The following ZNF665 variants were observed in gnomAD, a reference collection of about 807,000 sequenced individuals.
ZNF665 encodes the protein zinc finger protein 665.
In ZNF665, 6 loss-of-function variants were observed where a neutral mutation model predicts 7.9. The observed-to-expected ratio is 0.76, with a 90% CI of 0.42 to 1.50. The LOEUF is 1.50. Ranked by LOEUF, ZNF665 falls within the 40% of genes most tolerant of loss-of-function variation. ZNF665 has a pLI of 0.01. For missense variants in ZNF665, 819 were observed against 806.7 expected (o/e 1.02, Z -0.18); for synonymous variants, 242 against 274.5 (o/e 0.88, Z 1.17).
chr19:53,165,585 T>C lies in ZNF665; in HGVS notation c.905A>G (p.Asn302Ser), dbSNP rs760284905. Residue 302 changes from asparagine (N) to serine (S), a missense_variant, in exon 4 of 4, where the codon AAT becomes AGT. Coordinates refer to ENST00000396424, the MANE Select transcript of ZNF665 (RefSeq NM_024733.5). The stretch of plus-strand genomic sequence containing the variant: ...TCTTCGATGACTTGCAAGGTGTGAA[T>C]TTTGAGTGAAGCACTTGCCACATTC... ...CKECGKCFTQNSHLASHRRIH... is the reference protein window; with the variant it reads ...CKECGKCFTQSSHLASHRRIH... 1.9e-6 allele frequency: 3 copies of C among 1,613,936 alleles called. No individual in the cohort carries two copies. The Admixed American group carries it at 5.0e-5, about 27-fold the overall frequency.
Position 53,164,559 on chromosome 19 carries a change from T to G in ZNF665, c.1931A>C (p.His644Pro), listed in dbSNP as rs768912696. The change falls in exon 4 of 4, where the codon CAT (histidine) becomes CCT (proline). Residue 644 changes from histidine to proline, a missense_variant. Physicochemically the swap from His to Pro is moderately conservative, Grantham distance 77. Coordinates refer to ENST00000396424, the MANE Select transcript of ZNF665 (RefSeq NM_024733.5). ...TTTGTCTCCAGTATGGACTGCCATA[T>G]GGGTAGTTAGGGTTGAACGAACACT... ...AFSVRSTLTT[H>P]MAVHTGDKPY... 1.2e-6 allele frequency: 2 copies of G among 1,614,156 alleles called. No homozygotes were observed. Among genetic ancestry groups the G allele is most frequent in the African/African-American group, 1.3e-5 (1 of 75,072 alleles).
At chr19:53,178,137 G>C (rs983847705) in intron 2 of ZNF665, among the ~76,000 whole-genome samples, 25 of 152,212 alleles carry the variant, frequency 1.6e-4, no homozygotes, top group Non-Finnish European at 8.8e-5. Flanking sequence ...TAGAATCTCA[G>C]TGTCTGAGAT....
In ZNF665 at chr19:53,164,558, A is replaced by G; in HGVS notation, c.1932T>C (p.His644=). The part of the protein sequence containing the change: ...AFSVRSTLTT[H]MAVHTGDKPY... The stretch of plus-strand genomic sequence containing the variant: ...GTTTGTCTCCAGTATGGACTGCCAT[A>G]TGGGTAGTTAGGGTTGAACGAACAC... Residue 644 remains histidine (H), a synonymous_variant, in exon 4 of 4, where the codon CAT becomes CAC. Coordinates refer to ENST00000396424, the MANE Select transcript of ZNF665 (RefSeq NM_024733.5). 1.9e-6 allele frequency: 3 copies of G among 1,614,136 alleles called. No homozygotes were observed. Among genetic ancestry groups the G allele is most frequent in the Middle Eastern group, 3.3e-4 (2 of 6,062 alleles).
At chr19:53,167,377 CA>C (rs2090623181) in intron 3 of ZNF665, among the ~76,000 whole-genome samples, 1 of 151,902 alleles carries the variant, frequency 6.6e-6, no homozygotes, top group Admixed American at 6.6e-5. Context: ...AATATTTTAG[CA>C]ACTCAGGATA....
At chr19:53,178,310 T>C (rs1037215385) in intron 2 of ZNF665, among the ~76,000 whole-genome samples, 1 of 152,230 alleles carries the variant, frequency 6.6e-6, no homozygotes, top group Admixed American at 6.5e-5. Flanking sequence ...ATGACTGACA[T>C]GTAGATTGGT....
chr19:53,189,834 G>A (rs1049888985), intron 1 of ZNF665, among the ~76,000 whole-genome samples: 1 of 151,902 alleles, frequency 6.6e-6, no homozygotes, highest in Non-Finnish European at 1.5e-5. Flanking sequence ...TGACACTTAC[G>A]CTACCCCTAG....
intron 1 of ZNF665, among the ~76,000 whole-genome samples, chr19:53,184,426 T>C (rs1344018124): frequency 1.3e-5 from 2 of 152,126 alleles, no homozygotes; most frequent in Non-Finnish European, 2.9e-5. Flanking sequence ...CTGGGTCTGC[T>C]GGGGAACACC....
intron 2 of ZNF665, 150 bp downstream of exon 2, chr19:53,182,734 G>T: frequency 7.4e-7 from 1 of 1,353,452 alleles, no homozygotes; most frequent in Non-Finnish European, 1.0e-6. Flanking sequence ...TGGAATCTAA[G>T]TGAGATGAGA....
chr19:53,179,037 G>T (rs2090717746), intron 2 of ZNF665, among the ~76,000 whole-genome samples: 1 of 152,104 alleles, frequency 6.6e-6, no homozygotes, highest in Admixed American at 6.6e-5. Context: ...CTTTCTCACT[G>T]GAAATTTGGG....
At chr19:53,193,052 T>C (rs1441690705) in intron 1 of ZNF665, among the ~76,000 whole-genome samples, 2 of 151,830 alleles carry the variant, frequency 1.3e-5, no homozygotes, top group Non-Finnish European at 2.9e-5. Flanking sequence ...CGCAGGTCAG[T>C]AAAGGGTTTT....
intron 3 of ZNF665, among the ~76,000 whole-genome samples, chr19:53,167,697 C>T (rs1195746037): frequency 2.0e-5 from 3 of 150,274 alleles, no homozygotes; most frequent in South Asian, 2.1e-4. Flanking sequence ...CCACCCACCT[C>T]AGCCTCCTAA....
intron 2 of ZNF665, among the ~76,000 whole-genome samples, chr19:53,177,459 A>T (rs1171894025): frequency 6.6e-6 from 1 of 151,880 alleles, no homozygotes; most frequent in Admixed American, 6.6e-5. Flanking sequence ...TTAGCCGGAA[A>T]TTGCTTGAAC....
chr19:53,192,879 G>A (rs2090828336), intron 1 of ZNF665, among the ~76,000 whole-genome samples: 1 of 152,082 alleles, frequency 6.6e-6, no homozygotes, highest in South Asian at 2.1e-4. Context: ...GGGGGGCGAC[G>A]GCGCCTTAGG....
chr19:53,182,634 C>T (rs2090746463), intron 2 of ZNF665: 1 of 823,788 alleles, frequency 1.2e-6, no homozygotes, highest in Non-Finnish European at 2.0e-6. Context: ...GACCCTCACC[C>T]CGTCTCCATC....
chr19:53,175,999 A>G (rs963253682), intron 2 of ZNF665, among the ~76,000 whole-genome samples: 1 of 152,072 alleles, frequency 6.6e-6, no homozygotes, highest in Admixed American at 6.6e-5. Flanking sequence ...TGTCTCTACT[A>G]AAAATACAAA....
At chr19:53,175,137 A>G (rs1263431668) in intron 3 of ZNF665, among the ~76,000 whole-genome samples, 1 of 152,216 alleles carries the variant, frequency 6.6e-6, no homozygotes, top group Non-Finnish European at 1.5e-5. Context: ...CACTACGCAG[A>G]TATCTAGCTT....
chr19:53,181,318 G>C (rs2090736190), intron 2 of ZNF665: 1 of 152,162 alleles, frequency 6.6e-6, no homozygotes, highest in Non-Finnish European at 1.5e-5. Context: ...CTACTTGAGA[G>C]GCTGAGATGG....
chr19:53,177,835 G>A (rs114368235), intron 2 of ZNF665, among the ~76,000 whole-genome samples: 4,646 of 152,246 alleles, frequency 0.031, 243 homozygotes, highest in African/African-American at 0.11. Context: ...CAACACTGTA[G>A]CCCATGAGAG....
At position 53,166,157 on chromosome 19, in the gene ZNF665, T is replaced by C; in HGVS notation, c.333A>G (p.Thr111=). The stretch of plus-strand genomic sequence containing the variant: ...GATTTTCTTTTTGCAACATAAGTAC[T>C]GTTTTATAATTTCCTTCATCATCTT... ...QWKDDEGNYK[T]VLMLQKENLP... Residue 111 remains threonine (T), a synonymous_variant, in exon 4 of 4, where the codon ACA becomes ACG. Transcript: ENST00000396424. 6.2e-7 allele frequency: 1 copy of C among 1,613,958 alleles called. No homozygotes were observed. The highest frequency in any genetic ancestry group is 8.5e-7 in the Non-Finnish European group (1 of 1,179,878).
Sources: allele counts gnomAD v4.1 joint callset (sites outside exome capture counted in the v4.1 genomes callset), GRCh38; gene constraint gnomAD v4.1.1; transcripts MANE v1.5; gene names NCBI Gene and HGNC (gene_info 2026-07-23, HGNC 2026-07-21).